STOX2: variants seen among roughly 807,000 people sequenced by gnomAD.
STOX2 encodes the protein storkhead box 2.
A neutral mutation model predicts 60.9 loss-of-function variants in STOX2; 28 were observed. The ratio of observed to expected loss-of-function variants is 0.46; its 90% CI spans 0.34 to 0.63. The LOEUF (loss-of-function observed/expected upper bound fraction) is 0.63. STOX2 is among the 30% of genes least tolerant of loss of function. The pLI, the probability that STOX2 is intolerant of heterozygous loss-of-function variation, is 0.01. For missense variants in STOX2, 1,024 were observed against 1,187.7 expected, an observed-to-expected ratio of 0.86 and a Z score of 2.03; for synonymous variants, 472 against 463.9, an observed-to-expected ratio of 1.02 and a Z score of -0.22.
chr4:183,817,188 G>GAACCCTCC (rs1392686091), intron 1 of STOX2, among the ~76,000 whole-genome samples: 2 of 152,232 alleles, frequency 1.3e-5, no homozygotes, highest in Non-Finnish European at 2.9e-5. Context: ...AAGAGGAAAA[G>GAACCCTCC]AACCCTCCAA....
chr4:183,968,671 T>C (rs925500780), intron 1 of STOX2, among the ~76,000 whole-genome samples: 14 of 151,966 alleles, frequency 9.2e-5, no homozygotes, highest in African/African-American at 3.4e-4. Flanking sequence ...CCGGACCACT[T>C]TGTGGCCCAA....
intron 1 of STOX2, among the ~76,000 whole-genome samples, chr4:183,947,224 CTG>C (rs1453245862): frequency 3.9e-5 from 6 of 152,276 alleles, no homozygotes; most frequent in Middle Eastern, 3.4e-3. Context: ...TGTAAATGCT[CTG>C]TGAGTAGTCA....
intron 1 of STOX2, among the ~76,000 whole-genome samples, chr4:183,908,692 C>T (rs1313769586): frequency 3.3e-5 from 5 of 150,264 alleles, no homozygotes; most frequent in Admixed American, 2.7e-4. Flanking sequence ...TGCTGCGAGG[C>T]GTTTTTGAGG....
chr4:183,925,995 G>A (rs373059143), intron 1 of STOX2, among the ~76,000 whole-genome samples: 2 of 151,782 alleles, frequency 1.3e-5, no homozygotes, highest in East Asian at 1.9e-4. Flanking sequence ...TCCCATCATC[G>A]CCAAACTCCA....
At chr4:183,956,231 C>T (rs1344346146) in intron 1 of STOX2, among the ~76,000 whole-genome samples, 2 of 152,194 alleles carry the variant, frequency 1.3e-5, no homozygotes, top group African/African-American at 2.4e-5. Flanking sequence ...ATTTGAGAGA[C>T]TTTGCAGCCT....
intron 1 of STOX2, among the ~76,000 whole-genome samples, chr4:183,866,176 G>A (rs1373380527): frequency 6.6e-6 from 1 of 151,958 alleles, no homozygotes; most frequent in African/African-American, 2.4e-5. Flanking sequence ...AGCTCTTGTT[G>A]TCCCCCTTCA....
At chr4:183,832,397 A>G (rs890787639) in intron 1 of STOX2, among the ~76,000 whole-genome samples, 2 of 151,914 alleles carry the variant, frequency 1.3e-5, no homozygotes, top group African/African-American at 4.8e-5. Flanking sequence ...AAGACTCTTG[A>G]AATTATCTAA....
At chr4:183,909,227 GA>G (rs1741710415) in intron 1 of STOX2, among the ~76,000 whole-genome samples, 1 of 152,152 alleles carries the variant, frequency 6.6e-6, no homozygotes, top group Non-Finnish European at 1.5e-5. Flanking sequence ...AGTATTGATA[GA>G]AATAGATGAT....
rs188876937 is a variant in STOX2, at chr4:183,979,678, G to T, written c.167-21647G>T. 2.0e-5 allele frequency among the ~76,000 whole-genome samples: 3 copies of T among 152,102 alleles called. No homozygotes were observed. The East Asian group carries it at 5.8e-4, about 29-fold the overall frequency. ...TTAAATTAAATAAAATTAAATATTA[G>T]TTCCTCAGAAAGTTCCATACGACAC... On this transcript the variant is annotated intron_variant, in intron 1 of 3. Transcript: ENST00000308497.
At chr4:183,929,715 G>A (rs1271266319) in intron 1 of STOX2, among the ~76,000 whole-genome samples, 1 of 152,182 alleles carries the variant, frequency 6.6e-6, no homozygotes, top group African/African-American at 2.4e-5. Flanking sequence ...TAGCAGTATT[G>A]TATGCTGAAG....
At chr4:183,906,984 CG>C (rs1560875157) in intron 1 of STOX2, 28 bp downstream of exon 1, 1 of 1,500,052 alleles carries the variant, frequency 6.7e-7, no homozygotes, top group East Asian at 2.5e-5. Flanking sequence ...TTTCTGCCCC[CG>C]GGCCGGGGCC....
intron 1 of STOX2, among the ~76,000 whole-genome samples, chr4:183,974,355 G>A (rs1157726278): frequency 2.0e-5 from 3 of 151,964 alleles, no homozygotes; most frequent in Admixed American, 6.6e-5. Flanking sequence ...ATCATAAAGG[G>A]TAGATTTAAA....
chr4:183,937,737 C>T (rs1742627024), intron 1 of STOX2, among the ~76,000 whole-genome samples: 2 of 151,956 alleles, frequency 1.3e-5, no homozygotes, highest in African/African-American at 4.8e-5. Context: ...AGTATGGAAA[C>T]CATTGATTTC....
chr4:183,845,625 T>C (rs981439641), intron 1 of STOX2, among the ~76,000 whole-genome samples: 1 of 152,106 alleles, frequency 6.6e-6, no homozygotes, highest in East Asian at 1.9e-4. Context: ...AGAGAAGTGA[T>C]GTGGAGAGGA....
intron 1 of STOX2, among the ~76,000 whole-genome samples, chr4:183,976,535 A>G (rs974678284): frequency 6.2e-5 from 9 of 145,638 alleles, no homozygotes; most frequent in Middle Eastern, 3.4e-3. Context: ...TGATAGCTAT[A>G]GACACTGCAG....
chr4:183,927,189 G>T (rs962747666), intron 1 of STOX2, among the ~76,000 whole-genome samples: 1 of 152,308 alleles, frequency 6.6e-6, no homozygotes, highest in African/African-American at 2.4e-5. Flanking sequence ...ATAGTGGCTT[G>T]AGGCCCGGAT....
chr4:183,881,374 C>A (rs1477787761), intron 1 of STOX2, among the ~76,000 whole-genome samples: 1 of 152,046 alleles, frequency 6.6e-6, no homozygotes, highest in Non-Finnish European at 1.5e-5. Context: ...TGTGGTGGTG[C>A]GCCTGTAGCC....
chr4:183,971,880 A>C (rs1560912361), intron 1 of STOX2, among the ~76,000 whole-genome samples: 1 of 152,168 alleles, frequency 6.6e-6, no homozygotes, highest in Non-Finnish European at 1.5e-5. Flanking sequence ...GGCAGAATGC[A>C]TGGTGCAGCA....
At chr4:183,959,213 T>C (rs1042536691) in intron 1 of STOX2, among the ~76,000 whole-genome samples, 1 of 152,220 alleles carries the variant, frequency 6.6e-6, no homozygotes, top group Non-Finnish European at 1.5e-5. Context: ...TTTCATTTTC[T>C]TTCTACTCTG....
Sources: allele counts gnomAD v4.1 joint callset (sites outside exome capture counted in the v4.1 genomes callset), GRCh38; gene constraint gnomAD v4.1.1; transcripts MANE v1.5; gene names NCBI Gene and HGNC (gene_info 2026-07-23, HGNC 2026-07-21).